Variants in KDM4C observed in about 807,000 individuals in gnomAD.
KDM4C encodes the protein lysine demethylase 4C.
KDM4C carries 81 observed loss-of-function variants against 129.3 expected under a neutral mutation model. The observed-to-expected ratio is 0.63, with a 90% confidence interval of 0.52 to 0.75. The LOEUF (loss-of-function observed/expected upper bound fraction) is 0.75, where lower values mean the gene tolerates loss of function less well. Among genes scored for constraint, KDM4C ranks in the 30% least tolerant of loss-of-function variants. The pLI, the probability that KDM4C is intolerant of heterozygous loss-of-function variation, is 0.00. For missense variants in KDM4C, 1,457 were observed against 1,304.0 expected (o/e 1.12, Z -1.81); for synonymous variants, 573 against 456.1 (o/e 1.26, Z -3.26).
intron 12 of KDM4C, among the ~76,000 whole-genome samples, chr9:7,004,746 T>G (rs1821341823): frequency 6.6e-6 from 1 of 152,184 alleles, no homozygotes; most frequent in African/African-American, 2.4e-5. Context: ...TGGAAATACT[T>G]ATATATAGGA....
At chr9:7,116,811 C>G (rs1005532877) in intron 18 of KDM4C, among the ~76,000 whole-genome samples, 11 of 152,176 alleles carry the variant, frequency 7.2e-5, no homozygotes, top group Admixed American at 6.5e-5. Context: ...TTTTCTCTTT[C>G]TCTGTCATTC....
chr9:6,756,029 G>A (rs1467959021), upstream of KDM4C, among the ~76,000 whole-genome samples: 1 of 152,186 alleles, frequency 6.6e-6, no homozygotes. Flanking sequence ...CAATGGTAAA[G>A]AAATGTTATT....
intron 12 of KDM4C, among the ~76,000 whole-genome samples, chr9:7,008,579 C>G (rs1312815672): frequency 6.6e-6 from 1 of 152,202 alleles, no homozygotes; most frequent in Non-Finnish European, 1.5e-5. Flanking sequence ...ATAGAAGACC[C>G]TGGCATTGGG....
chr9:6,787,920 A>G (rs1024604979), intron 1 of KDM4C, among the ~76,000 whole-genome samples: 3 of 152,220 alleles, frequency 2.0e-5, no homozygotes, highest in Non-Finnish European at 4.4e-5. Flanking sequence ...CATCTCATGC[A>G]GAGTAAATGC....
At chr9:7,135,810 G>A (rs1485171251) in intron 19 of KDM4C, among the ~76,000 whole-genome samples, 1 of 152,180 alleles carries the variant, frequency 6.6e-6, no homozygotes, top group Non-Finnish European at 1.5e-5. Flanking sequence ...ACACTTTGAG[G>A]TGCTCTGGAG....
At chr9:6,949,158 C>T (rs1434542904) in intron 8 of KDM4C, among the ~76,000 whole-genome samples, 6 of 151,250 alleles carry the variant, frequency 4.0e-5, no homozygotes, top group Non-Finnish European at 5.9e-5. Context: ...AGGGGCTCCT[C>T]ACTTCTTAGA....
chr9:6,720,975 G>C, exon 1 of KDM4C: 1 of 1,551,656 alleles, frequency 6.4e-7, no homozygotes, highest in Non-Finnish European at 8.7e-7. Flanking sequence ...TGCCCTGGAA[G>C]AGGACTGAAG....
At chr9:6,732,284 G>A (rs1365697016) in intron 1 of KDM4C, among the ~76,000 whole-genome samples, 1 of 143,230 alleles carries the variant, frequency 7.0e-6, no homozygotes, top group Non-Finnish European at 1.5e-5. Flanking sequence ...AGAATCGCTG[G>A]AACCCGGGAA....
intron 2 of KDM4C, among the ~76,000 whole-genome samples, 163 bp downstream of exon 2, chr9:6,793,295 C>T (rs959198343): frequency 6.6e-6 from 1 of 151,660 alleles, no homozygotes; most frequent in South Asian, 2.1e-4. Flanking sequence ...TAGTAATTGT[C>T]TTATTTTTCC....
At chr9:7,039,898 G>A (rs1234804951) in intron 15 of KDM4C, among the ~76,000 whole-genome samples, 2 of 151,978 alleles carry the variant, frequency 1.3e-5, no homozygotes, top group East Asian at 1.9e-4. Context: ...TCATGGGTTA[G>A]CTCTATGTAT....
chr9:7,003,791 G>A lies in KDM4C; in HGVS notation c.1787-7907G>A, dbSNP rs115920894. 8.6e-3 allele frequency among the ~76,000 whole-genome samples: 1,307 copies of A among 152,086 alleles called. 24 individuals are homozygous for A. Among genetic ancestry groups the A allele is most frequent in the African/African-American group, 0.03 (1,254 of 41,478 alleles). On this transcript the variant is annotated intron_variant, in intron 12 of 21. Coordinates refer to ENST00000381309, the MANE Select transcript of KDM4C (RefSeq NM_015061.6). ...CAGCTTTATAAATGTTTGAAGGTCAGCATTTCAAAAAAATCACTTAAATAT... is the reference window on the plus strand; with the variant it reads ...CAGCTTTATAAATGTTTGAAGGTCAACATTTCAAAAAAATCACTTAAATAT...
At chr9:6,846,426 C>G (rs899087634) in intron 4 of KDM4C, among the ~76,000 whole-genome samples, 1 of 152,044 alleles carries the variant, frequency 6.6e-6, no homozygotes, top group Admixed American at 6.6e-5. Flanking sequence ...CATTTTTGGT[C>G]TAAGTATATG....
At chr9:6,761,992 G>C (rs971953852) in intron 1 of KDM4C, among the ~76,000 whole-genome samples, 2 of 151,808 alleles carry the variant, frequency 1.3e-5, no homozygotes, top group African/African-American at 4.8e-5. Flanking sequence ...TAGAGACGGG[G>C]TTTCACCGTG....
chr9:6,944,790 G>C (rs1826636447), intron 8 of KDM4C, among the ~76,000 whole-genome samples: 1 of 150,702 alleles, frequency 6.6e-6, no homozygotes, highest in African/African-American at 2.4e-5. Context: ...AAAGAAGAGT[G>C]GTTTTGGTTT....
chr9:7,069,885 C>T (rs189963878), intron 17 of KDM4C, among the ~76,000 whole-genome samples: 1 of 152,296 alleles, frequency 6.6e-6, no homozygotes, highest in East Asian at 1.9e-4. Context: ...TTAAGGTTCT[C>T]ACACCAGATT....
chr9:6,813,452 C>G (rs984220059), intron 3 of KDM4C, among the ~76,000 whole-genome samples: 3 of 152,100 alleles, frequency 2.0e-5, no homozygotes, highest in Non-Finnish European at 4.4e-5. Flanking sequence ...TACAGTTGTT[C>G]CATTATTTGG....
chr9:6,962,734 G>A (rs1282159823), intron 8 of KDM4C, among the ~76,000 whole-genome samples: 1 of 151,824 alleles, frequency 6.6e-6, no homozygotes, highest in African/African-American at 2.4e-5. Context: ...CAGTTCTTCT[G>A]GGCATTTAGA....
Position 7,037,399 on chromosome 9 carries a change from C to T in KDM4C, c.2260-9463C>T, listed in dbSNP as rs80115217. On this transcript the variant is annotated intron_variant, in intron 15 of 21. Coordinates refer to ENST00000381309, the MANE Select transcript of KDM4C (RefSeq NM_015061.6). ...AGAGACATTGGAACATGATTTCCCTCGGCTGCAAATAATGAACAACTGTGA... is the reference window on the plus strand; with the variant it reads ...AGAGACATTGGAACATGATTTCCCTTGGCTGCAAATAATGAACAACTGTGA... 6.7e-3 allele frequency among the ~76,000 whole-genome samples: 1,026 copies of T among 152,236 alleles called. 3 individuals are homozygous for T. Among genetic ancestry groups the T allele is most frequent in the South Asian group, 0.025 (122 of 4,818 alleles).
At chr9:7,034,442 T>A (rs560214400) in intron 15 of KDM4C, among the ~76,000 whole-genome samples, 1 of 152,328 alleles carries the variant, frequency 6.6e-6, no homozygotes, top group African/African-American at 2.4e-5. Flanking sequence ...CACATATGAG[T>A]GAGAATGTGC....
Sources: gnomAD v4.1 joint callset for allele counts (sites outside exome capture counted in the v4.1 genomes callset) on GRCh38, gnomAD v4.1.1 for gene constraint, MANE v1.5 for transcripts, NCBI Gene and HGNC (gene_info 2026-07-23, HGNC 2026-07-21) for gene names.